Variants in CUBN observed in about 807,000 individuals in gnomAD.
CUBN encodes cubilin.
CUBN carries 282 observed loss-of-function variants against 405.3 expected under a neutral mutation model. The ratio of observed to expected loss-of-function variants is 0.70; its 90% CI spans 0.63 to 0.77. The LOEUF (loss-of-function observed/expected upper bound fraction) is 0.77, where lower values mean the gene tolerates loss of function less well. Among genes scored for constraint, CUBN ranks in the 30% least tolerant of loss-of-function variants. The pLI, the probability that CUBN is intolerant of heterozygous loss-of-function variation, is 0.00. For synonymous variants in CUBN, 1,684 were observed against 1,617.0 expected, an observed-to-expected ratio of 1.04 and a Z score of -0.99; for missense variants, 4,514 against 4,475.2, an observed-to-expected ratio of 1.01 and a Z score of -0.25.
chr10:17,116,834 G>A (rs1836913041), intron 6 of CUBN, among the ~76,000 whole-genome samples: 1 of 152,252 alleles, frequency 6.6e-6, no homozygotes, highest in East Asian at 1.9e-4. Context: ...CAGAAATGGA[G>A]AATAAGAATG....
chr10:17,052,171 C>G (rs547145213), intron 22 of CUBN, among the ~76,000 whole-genome samples: 4 of 152,026 alleles, frequency 2.6e-5, no homozygotes, highest in African/African-American at 7.3e-5. Flanking sequence ...ATGGGGAAAA[C>G]AGGTTTAAAT....
At chr10:16,972,208 T>G (rs964254869) in intron 31 of CUBN, among the ~76,000 whole-genome samples, 11 of 152,172 alleles carry the variant, frequency 7.2e-5, no homozygotes, top group African/African-American at 2.7e-4. Context: ...CCCCAGGAGT[T>G]GGCTTGGCCC....
At chr10:16,869,920 C>G (rs778911451) in intron 58 of CUBN, 67 bp from the exon 59 acceptor site, 2 of 1,186,880 alleles carry the variant, frequency 1.7e-6, no homozygotes, top group Non-Finnish European at 2.5e-6. Context: ...AGCTTTAGCT[C>G]TTGCAAAAAA....
chr10:17,099,968 A>T, intron 14 of CUBN, 37 bp downstream of exon 14: 1 of 1,480,604 alleles, frequency 6.8e-7, no homozygotes, highest in Non-Finnish European at 9.4e-7. Flanking sequence ...AATAACCTCA[A>T]AATTTTGCTT....
intron 10 of CUBN, among the ~76,000 whole-genome samples, chr10:17,108,027 G>T (rs1836677485): frequency 6.6e-6 from 1 of 152,086 alleles, no homozygotes; most frequent in African/African-American, 2.4e-5. Context: ...CTTACAGGTT[G>T]CAGTAAAGAA....
chr10:17,052,251 T>G (rs1835287212), intron 22 of CUBN, among the ~76,000 whole-genome samples: 1 of 152,154 alleles, frequency 6.6e-6, no homozygotes, highest in Admixed American at 6.5e-5. Flanking sequence ...TGACATAATT[T>G]GTCACTGGAA....
chr10:17,117,665 G>A (rs1836937950), intron 6 of CUBN, among the ~76,000 whole-genome samples: 2 of 152,082 alleles, frequency 1.3e-5, no homozygotes, highest in African/African-American at 2.4e-5. Flanking sequence ...CTTGACCTCA[G>A]GTGATCTGCC....
intron 60 of CUBN, among the ~76,000 whole-genome samples, chr10:16,841,585 C>A (rs2796840): frequency 6.6e-6 from 1 of 152,200 alleles, no homozygotes; most frequent in Non-Finnish European, 1.5e-5. Flanking sequence ...CCTGACCTTT[C>A]TAATCTAATT....
intron 29 of CUBN, among the ~76,000 whole-genome samples, chr10:16,986,817 A>T (rs777513386): frequency 6.6e-6 from 1 of 152,182 alleles, no homozygotes; most frequent in Non-Finnish European, 1.5e-5. Flanking sequence ...ACCCAAGCCC[A>T]ATCAACAGCA....
intron 43 of CUBN, among the ~76,000 whole-genome samples, chr10:16,924,384 G>A (rs1396968168): frequency 6.6e-6 from 1 of 151,948 alleles, no homozygotes; most frequent in African/African-American, 2.4e-5. Flanking sequence ...CCTTACTCAA[G>A]CTATTTGCTT....
chr10:16,872,807 G>A (rs1417781305), intron 58 of CUBN, among the ~76,000 whole-genome samples: 1 of 152,194 alleles, frequency 6.6e-6, no homozygotes, highest in Non-Finnish European at 1.5e-5. Flanking sequence ...GCCTGTGCAG[G>A]CATACTTCAC....
At chr10:16,934,278 T>A (rs1481764117) in intron 39 of CUBN, among the ~76,000 whole-genome samples, 2 of 152,206 alleles carry the variant, frequency 1.3e-5, no homozygotes, top group Non-Finnish European at 2.9e-5. Flanking sequence ...AAAAGTTGAT[T>A]TTAACAATTA....
In CUBN at chr10:17,122,822, G is replaced by T. The variant is rs1421346561; in HGVS notation, c.566C>A (p.Thr189Lys). ...GTPLSCQNGGTCVNTMGSYSC... is the reference protein window; with the variant it reads ...GTPLSCQNGGKCVNTMGSYSC... ...GTAACTTCCCATTGTATTAACACAT[G>T]TGCCTCCATTCTGGCAGCTCAAGGG... The change falls in exon 6 of 67, where the codon ACA (threonine) becomes AAA (lysine). Residue 189 changes from threonine to lysine, a missense_variant. Physicochemically the swap from Thr to Lys is moderately conservative, Grantham distance 78. This residue lies in a region of CUBN where 1,448 missense variants were observed against 1,388.0 expected (regional missense o/e 1.04). Transcript: ENST00000377833. 5.6e-6 allele frequency: 9 copies of T among 1,594,976 alleles called. No individual in the cohort carries two copies. Among genetic ancestry groups the T allele is most frequent in the East Asian group, 2.3e-5 (1 of 44,422 alleles).
chr10:17,126,408 T>G (rs115173943), intron 4 of CUBN, among the ~76,000 whole-genome samples: 1,704 of 152,256 alleles, frequency 0.011, 25 homozygotes, highest in African/African-American at 0.039. Context: ...ATGCTTGCTT[T>G]CCGAGCCCCA....
intron 4 of CUBN, among the ~76,000 whole-genome samples, chr10:17,126,167 C>T (rs958750814): frequency 1.3e-5 from 2 of 152,182 alleles, no homozygotes; most frequent in East Asian, 1.9e-4. Flanking sequence ...AGATTCTGTA[C>T]ATTTCTCTGC....
chr10:17,014,065 T>C (rs778865736), intron 28 of CUBN, among the ~76,000 whole-genome samples: 2 of 152,178 alleles, frequency 1.3e-5, no homozygotes, highest in Non-Finnish European at 2.9e-5. Context: ...GGTATCTAAG[T>C]AGGCGGTTGT....
intron 49 of CUBN, 122 bp from the exon 50 acceptor site, chr10:16,906,531 T>G: frequency 1.3e-6 from 1 of 776,252 alleles, no homozygotes; most frequent in Non-Finnish European, 2.2e-6. Context: ...TTTTTCTAGA[T>G]GCAGTCAAGC....
At chr10:16,906,170 A>C (rs376658295) in intron 50 of CUBN, 33 bp downstream of exon 50, 2 of 1,452,306 alleles carry the variant, frequency 1.4e-6, no homozygotes, top group South Asian at 2.3e-5. Flanking sequence ...TATTGTAGAT[A>C]AATGGGAAAA....
chr10:16,994,816 G>A (rs941117721), intron 28 of CUBN, among the ~76,000 whole-genome samples: 16 of 152,190 alleles, frequency 1.1e-4, no homozygotes, highest in African/African-American at 2.9e-4. Context: ...CCAGCCAGGC[G>A]TGGTAGTTCA....
Sources: allele counts gnomAD v4.1 joint callset (sites outside exome capture counted in the v4.1 genomes callset), GRCh38; gene constraint gnomAD v4.1.1; regional missense constraint gnomAD v4.1.1; transcripts MANE v1.5; gene names NCBI Gene and HGNC (gene_info 2026-07-23, HGNC 2026-07-21).